Variants in GDA observed in about 807,000 individuals in gnomAD.
GDA encodes the protein guanine deaminase, also known as cytoplasmic PSD-95 interactor.
GDA carries 18 observed loss-of-function variants against 59.6 expected under a neutral mutation model. That is an observed-to-expected ratio of 0.30 (90% CI 0.21 to 0.45). GDA has a LOEUF of 0.45. GDA is among the 20% of genes least tolerant of loss of function. The pLI is 1.00. For missense variants in GDA, 427 were observed against 552.3 expected, an observed-to-expected ratio of 0.77 and a Z score of 2.27; for synonymous variants, 201 against 201.1, an observed-to-expected ratio of 1.00 and a Z score of 0.00.
intron 1 of GDA, among the ~76,000 whole-genome samples, chr9:72,116,775 A>T (rs578118159): frequency 1.3e-5 from 2 of 152,088 alleles, no homozygotes; most frequent in South Asian, 4.2e-4. Flanking sequence ...TTATTTATTT[A>T]TTTATTTATT....
At chr9:72,233,608 G>A (rs969905367) in intron 10 of GDA, among the ~76,000 whole-genome samples, 1 of 152,088 alleles carries the variant, frequency 6.6e-6, no homozygotes, top group East Asian at 1.9e-4. Flanking sequence ...TTACTCTTGG[G>A]TATTTACCCT....
In GDA at chr9:72,247,430, C is replaced by A; in HGVS notation, c.1291C>A (p.Leu431Ile). The A allele has an allele frequency of 1.4e-6, 2 of 1,463,214 alleles. No individual in the cohort carries two copies. The highest frequency in any genetic ancestry group is 1.9e-6 in the Non-Finnish European group (2 of 1,042,618). The allele number at this position is 1,463,214 out of a possible 1,614,324, so 90.6% of individuals were successfully genotyped here. Residue 431 changes from leucine to isoleucine, a missense_variant, in exon 13 of 14, where the codon CTA (leucine) becomes ATA (isoleucine). Transcript: ENST00000358399. ...SEAVIQKFLY[L>I]GDDRNIEEVY... ...GGCTGTTATCCAGAAGTTCCTCTAT[C>A]TAGGTAGGTAGATGCATGTCTCTAT... is the stretch of plus-strand genomic sequence containing the variant.
Position 72,249,964 on chromosome 9 carries a change from C to A in GDA, c.*1622C>A, listed in dbSNP as rs138121957. 125 of 953,558 alleles carry A rather than the reference C, an allele frequency of 1.3e-4. No individual in the cohort carries two copies. The African/African-American group carries it at 1.9e-3, about 14-fold the overall frequency. 59.1% of individuals were successfully genotyped at this position (953,558 alleles called of 1,614,324 possible). On this transcript the variant is annotated 3_prime_UTR_variant, in exon 14 of 14. Coordinates refer to ENST00000358399, the MANE Select transcript of GDA (RefSeq NM_004293.5). Reference sequence around the variant, plus strand: ...AGATTTGATTATGTATACATGACACCTAAAGAGGGAACAAAAGTTAGTTTT... The same window carrying A: ...AGATTTGATTATGTATACATGACACATAAAGAGGGAACAAAAGTTAGTTTT...
At position 72,120,695 on chromosome 9, in the gene GDA, A is replaced by G. The variant is rs115458886; in HGVS notation, c.-100+5862A>G. ...ACTATGTTAACATTTGATGCACATG[A>G]TCCAACTTCTCTAACATGTTTTATA... On this transcript the variant is annotated intron_variant, in intron 1 of 13. Coordinates refer to the GDA transcript ENST00000545168. 6.0e-3 allele frequency among the ~76,000 whole-genome samples: 913 copies of G among 152,306 alleles called. 4 individuals carry two copies. The highest frequency in any genetic ancestry group is 0.021 in the African/African-American group (863 of 41,564).
chr9:72,126,170 G>T (rs964131781), intron 1 of GDA, among the ~76,000 whole-genome samples: 1 of 152,080 alleles, frequency 6.6e-6, no homozygotes, highest in Non-Finnish European at 1.5e-5. Flanking sequence ...CAAAGTGATG[G>T]GATTACGGAC....
chr9:72,222,523 C>T (rs1837020898), intron 6 of GDA, among the ~76,000 whole-genome samples: 1 of 152,144 alleles, frequency 6.6e-6, no homozygotes, highest in South Asian at 2.1e-4. Context: ...TGTCTGTTTA[C>T]TCTGTTGGTG....
At position 72,201,227 on chromosome 9, in the gene GDA, C is replaced by A. The variant is rs576608913; in HGVS notation, c.213-1344C>A. ...TTTTTTTAATATGTCAAATATCTAA[C>A]TGCTGATTTATGGTCAAACCTGATT... On this transcript the variant is annotated intron_variant, in intron 2 of 13. Coordinates refer to ENST00000358399, the MANE Select transcript of GDA (RefSeq NM_004293.5). 1.3e-4 allele frequency among the ~76,000 whole-genome samples: 19 copies of A among 149,620 alleles called. No homozygotes were observed. The East Asian group carries it at 3.6e-3, about 28-fold the overall frequency.
intron 2 of GDA, among the ~76,000 whole-genome samples, chr9:72,199,822 A>G (rs949438667): frequency 2.6e-5 from 4 of 151,242 alleles, no homozygotes; most frequent in Non-Finnish European, 5.9e-5. Flanking sequence ...GGTTCCCTCT[A>G]CCCTCCTGAC....
At chr9:72,150,219 G>C (rs116844265) in intron 1 of GDA, among the ~76,000 whole-genome samples, 1 of 152,062 alleles carries the variant, frequency 6.6e-6, no homozygotes, top group African/African-American at 2.4e-5. Flanking sequence ...ATATACTAAC[G>C]ATGAAGGTTC....
chr9:72,194,757 C>T (rs1318529427), intron 1 of GDA, among the ~76,000 whole-genome samples: 1 of 152,170 alleles, frequency 6.6e-6, no homozygotes, highest in African/African-American at 2.4e-5. Context: ...CCTCTGGGCA[C>T]TTTAGCCCAC....
At chr9:72,163,048 G>A (rs942742646) in intron 1 of GDA, among the ~76,000 whole-genome samples, 1 of 152,192 alleles carries the variant, frequency 6.6e-6, no homozygotes, top group Admixed American at 6.5e-5. Context: ...GAAGAGATGA[G>A]TTAGAAAATG....
At chr9:72,128,857 A>C (rs1295492587) in intron 1 of GDA, among the ~76,000 whole-genome samples, 1 of 151,810 alleles carries the variant, frequency 6.6e-6, no homozygotes, top group Admixed American at 6.6e-5. Flanking sequence ...ATACAAATAC[A>C]CTTCTCAGAT....
downstream of GDA, among the ~76,000 whole-genome samples, chr9:72,255,756 G>T (rs919360458): frequency 5.3e-5 from 8 of 152,154 alleles, no homozygotes; most frequent in Non-Finnish European, 1.0e-4. Flanking sequence ...TCAGAAACGT[G>T]GGGGTAAAAG....
At chr9:72,179,187 G>A (rs1192229872) in intron 1 of GDA, among the ~76,000 whole-genome samples, 1 of 152,136 alleles carries the variant, frequency 6.6e-6, no homozygotes, top group Non-Finnish European at 1.5e-5. Flanking sequence ...GTCCAACAAA[G>A]TTATCTGTCT....
At chr9:72,207,836 G>A (rs1834901091) in intron 3 of GDA, among the ~76,000 whole-genome samples, 1 of 152,106 alleles carries the variant, frequency 6.6e-6, no homozygotes, top group South Asian at 2.1e-4. Context: ...GGCCAGGTGT[G>A]GTGGCTCATG....
chr9:72,256,095 T>C (rs1177597303), downstream of GDA, among the ~76,000 whole-genome samples: 1 of 152,266 alleles, frequency 6.6e-6, no homozygotes, highest in Non-Finnish European at 1.5e-5. Flanking sequence ...TTGGCTGTTC[T>C]CTTATGCTTT....
At chr9:72,235,798 T>C (rs933271090) in intron 10 of GDA, among the ~76,000 whole-genome samples, 1 of 151,888 alleles carries the variant, frequency 6.6e-6, no homozygotes, top group African/African-American at 2.4e-5. Flanking sequence ...ATTTTAAAGA[T>C]AGGATACCTC....
At chr9:72,120,295 C>T (rs10869123) in intron 1 of GDA, among the ~76,000 whole-genome samples, 70,756 of 151,672 alleles carry the variant, frequency 0.47, 18,308 homozygotes, top group Non-Finnish European at 0.58. Context: ...TCAAGCGATT[C>T]TCCTGCCTTG....
intron 1 of GDA, among the ~76,000 whole-genome samples, chr9:72,159,878 C>G (rs1828390320): frequency 6.6e-6 from 1 of 151,876 alleles, no homozygotes; most frequent in Non-Finnish European, 1.5e-5. Context: ...AATTTGTATT[C>G]TTTTTCTTAA....
Sources: allele counts gnomAD v4.1 joint callset (sites outside exome capture counted in the v4.1 genomes callset), GRCh38; gene constraint gnomAD v4.1.1; transcripts MANE v1.5; gene names NCBI Gene and HGNC (gene_info 2026-07-23, HGNC 2026-07-21).